Variants in COL14A1 observed in about 807,000 individuals in gnomAD.
COL14A1 encodes collagen type XIV alpha 1 chain, also known as collagen alpha-1(XIV) chain.
Under a neutral mutation model 230.3 loss-of-function variants are expected in COL14A1, and 136 were observed. The observed-to-expected ratio is 0.59, with a 90% CI of 0.51 to 0.68. The LOEUF (loss-of-function observed/expected upper bound fraction) is 0.68, where lower values mean the gene tolerates loss of function less well. Ranked by LOEUF, COL14A1 falls within the 30% of genes least tolerant of loss-of-function variation. The pLI, the probability that COL14A1 is intolerant of heterozygous loss-of-function variation, is 0.00. For missense variants in COL14A1, 1,976 were observed against 2,215.8 expected (o/e 0.89, Z 2.17); for synonymous variants, 792 against 784.1 (o/e 1.01, Z -0.17).
At chr8:120,336,074 T>C (rs1173167585) in intron 42 of COL14A1, among the ~76,000 whole-genome samples, 2 of 152,176 alleles carry the variant, frequency 1.3e-5, no homozygotes, top group African/African-American at 4.8e-5. Flanking sequence ...GCACAATACA[T>C]GTAAGATTAC....
Position 120,371,421 on chromosome 8 carries a change from C to A in COL14A1, c.*190C>A. The A allele has an allele frequency of 2.5e-6, 1 of 392,556 alleles. No individual in the cohort carries two copies. The highest frequency in any genetic ancestry group is 4.5e-6 in the Non-Finnish European group (1 of 224,292). The allele number at this position is 392,556 out of a possible 1,614,324, so 24.3% of individuals were successfully genotyped here. On this transcript the variant is annotated 3_prime_UTR_variant, in exon 48 of 48. Coordinates refer to ENST00000297848, the MANE Select transcript of COL14A1 (RefSeq NM_021110.4). ...AAAATATATATTTTTAAAAAGTTCC[C>A]TTAATCTATGACATGGTAGCAATGA...
chr8:120,158,658 A>T (rs1217429321), intron 3 of COL14A1, among the ~76,000 whole-genome samples: 1 of 152,204 alleles, frequency 6.6e-6, no homozygotes, highest in Non-Finnish European at 1.5e-5. Flanking sequence ...TTGTGAAAAT[A>T]AGTGATAAGG....
chr8:120,284,663 A>G (rs1820140749), intron 32 of COL14A1, among the ~76,000 whole-genome samples: 1 of 152,216 alleles, frequency 6.6e-6, no homozygotes, highest in Admixed American at 6.5e-5. Flanking sequence ...TTGTGGAAGC[A>G]TTTTGCATTG....
At chr8:120,271,749 G>A (rs926643422) in intron 26 of COL14A1, among the ~76,000 whole-genome samples, 1 of 151,522 alleles carries the variant, frequency 6.6e-6, no homozygotes, top group Non-Finnish European at 1.5e-5. Context: ...GAAGAAGCAG[G>A]CAAAAGCCAG....
chr8:120,341,918 C>T (rs1364433861), intron 43 of COL14A1, among the ~76,000 whole-genome samples: 3 of 152,148 alleles, frequency 2.0e-5, no homozygotes, highest in African/African-American at 2.4e-5. Flanking sequence ...GCAGAAACAG[C>T]AGTGGCCTTG....
chr8:120,225,081 T>A lies in COL14A1; in HGVS notation c.1738-7T>A. On this transcript the variant is annotated splice_region_variant and splice_polypyrimidine_tract_variant and intron_variant, in intron 14 of 47. Transcript: ENST00000297848. ...AGAGCTGTTATTATGACTTATTTCT[T>A]TGACAGGTTGAAGTCGATCCTATTA... The A allele has an allele frequency of 6.2e-7, 1 of 1,607,862 alleles. No individual in the cohort carries two copies. Among genetic ancestry groups the A allele is most frequent in the Non-Finnish European group, 8.5e-7 (1 of 1,178,368 alleles).
At chr8:120,253,233 TCCTGA>T (rs1468438436) in intron 22 of COL14A1, among the ~76,000 whole-genome samples, 1 of 152,160 alleles carries the variant, frequency 6.6e-6, no homozygotes. Context: ...GGTCTTGAAC[TCCTGA>T]CCTCAGGTGA....
intron 5 of COL14A1, among the ~76,000 whole-genome samples, chr8:120,185,221 C>A (rs1816612804): frequency 6.6e-6 from 1 of 152,218 alleles, no homozygotes; most frequent in Non-Finnish European, 1.5e-5. Flanking sequence ...CCCCTTGCTG[C>A]ACATCCCCTA....
At chr8:120,230,801 A>T (rs1204136462) in intron 18 of COL14A1, among the ~76,000 whole-genome samples, 2 of 152,242 alleles carry the variant, frequency 1.3e-5, no homozygotes, top group African/African-American at 4.8e-5. Flanking sequence ...GAATGAGAAA[A>T]GATGGACAAA....
chr8:120,200,420 T>C (rs551773933), intron 8 of COL14A1, among the ~76,000 whole-genome samples: 1 of 152,090 alleles, frequency 6.6e-6, no homozygotes, highest in East Asian at 1.9e-4. Flanking sequence ...TTGTGAACTT[T>C]CCATGAGCTG....
chr8:120,273,161 T>A (rs2219240), intron 26 of COL14A1, among the ~76,000 whole-genome samples: 96,886 of 151,594 alleles, frequency 0.64, 31,562 homozygotes, highest in African/African-American at 0.77. Context: ...ATACAAATAC[T>A]TGGAAATTAA....
intron 17 of COL14A1, among the ~76,000 whole-genome samples, chr8:120,227,740 A>G (rs534273295): frequency 6.6e-6 from 1 of 152,190 alleles, no homozygotes; most frequent in Non-Finnish European, 1.5e-5. Flanking sequence ...TAGGGCCAAC[A>G]TGTCAAAGAG....
Position 120,259,083 on chromosome 8 carries a change from G to T in COL14A1, c.2869+3727G>T, listed in dbSNP as rs185258904. On this transcript the variant is annotated intron_variant, in intron 23 of 47. Transcript: ENST00000297848. ...TATTTATTGACAAGGATAGAGAACT[G>T]CAGCATAGTGGAGAGCCTACCTTAC... Among the ~76,000 whole-genome samples, 5 of 152,264 alleles carry T rather than the reference G, an allele frequency of 3.3e-5. No individual in the cohort carries two copies. The East Asian group carries it at 9.6e-4, about 29-fold the overall frequency.
intron 40 of COL14A1, among the ~76,000 whole-genome samples, chr8:120,316,839 C>T (rs1391039897): frequency 1.3e-5 from 2 of 152,068 alleles, no homozygotes; most frequent in African/African-American, 4.8e-5. Flanking sequence ...CAATATTGTA[C>T]ATCGTTTAGT....
intron 1 of COL14A1, among the ~76,000 whole-genome samples, chr8:120,140,032 C>A (rs1272904557): frequency 2.6e-5 from 4 of 151,636 alleles, no homozygotes; most frequent in Non-Finnish European, 2.9e-5. Context: ...TAAAAAAAAC[C>A]CAAATCAAAA....
chr8:120,341,443 A>C (rs1822295375), intron 43 of COL14A1, 83 bp downstream of exon 43: 2 of 1,380,422 alleles, frequency 1.4e-6, no homozygotes, highest in South Asian at 2.4e-5. Context: ...ATCATCATTT[A>C]ATACCATTAA....
At chr8:120,266,396 TCCTGGGGGATGC>T (rs140673925) in intron 24 of COL14A1, among the ~76,000 whole-genome samples, 2,988 of 152,190 alleles carry the variant, frequency 0.02, 94 homozygotes, top group African/African-American at 0.067. Context: ...GTGACCAGTA[TCCTGGGGGATGC>T]AGGATGGAAA....
At chr8:120,283,244 A>C (rs750969543) in intron 31 of COL14A1, among the ~76,000 whole-genome samples, 20 of 152,186 alleles carry the variant, frequency 1.3e-4, no homozygotes, top group Non-Finnish European at 2.4e-4. Context: ...GTCATAAGTT[A>C]TGTTTTACAA....
intron 45 of COL14A1, among the ~76,000 whole-genome samples, chr8:120,359,764 C>T (rs1485867415): frequency 6.6e-6 from 1 of 152,160 alleles, no homozygotes; most frequent in Non-Finnish European, 1.5e-5. Flanking sequence ...ATTCCTGATG[C>T]CTGATTTAAT....
Sources: gnomAD v4.1 joint callset for allele counts (sites outside exome capture counted in the v4.1 genomes callset) on GRCh38, gnomAD v4.1.1 for gene constraint, MANE v1.5 for transcripts, NCBI Gene and HGNC (gene_info 2026-07-23, HGNC 2026-07-21) for gene names.